The following SGCZ variants were observed in gnomAD, a reference collection of about 807,000 sequenced individuals.
The protein encoded by SGCZ is sarcoglycan zeta.
SGCZ carries 40 observed loss-of-function variants against 41.3 expected under a neutral mutation model. The observed-to-expected ratio is 0.97, with a 90% CI of 0.75 to 1.26. The LOEUF is 1.26. Among genes scored for constraint, SGCZ ranks in the 50% most tolerant of loss-of-function variants. The probability of loss-of-function intolerance (pLI) is 0.00; values close to 1 mark genes in which losing one functional copy is unlikely to be tolerated. For synonymous variants in SGCZ, 206 were observed against 137.5 expected (o/e 1.50, Z -3.49); for missense variants, 552 against 369.8 (o/e 1.49, Z -4.04).
intron 1 of SGCZ, among the ~76,000 whole-genome samples, chr8:15,186,924 G>A (rs949903074): frequency 6.6e-6 from 1 of 152,010 alleles, no homozygotes; most frequent in Admixed American, 6.6e-5. Flanking sequence ...CTCTGAATGC[G>A]TTTTTATATG....
intron 5 of SGCZ, among the ~76,000 whole-genome samples, chr8:14,138,740 T>C (rs1803277894): frequency 6.6e-6 from 1 of 152,290 alleles, no homozygotes; most frequent in East Asian, 1.9e-4. Flanking sequence ...ACGATAATAA[T>C]GGGAGATTTT....
chr8:14,786,071 CAAGT>C (rs1448762046), intron 1 of SGCZ, among the ~76,000 whole-genome samples: 1 of 134,354 alleles, frequency 7.4e-6, no homozygotes, highest in African/African-American at 3.5e-5. Flanking sequence ...CTGAAATTAT[CAAGT>C]AAGTGGTATA....
chr8:14,268,359 A>ATG (rs780484212), intron 3 of SGCZ, among the ~76,000 whole-genome samples: 50 of 150,122 alleles, frequency 3.3e-4, no homozygotes, highest in African/African-American at 9.7e-4. Context: ...ATATATGTGT[A>ATG]TATATATATA....
chr8:15,046,688 T>C (rs560721247), intron 1 of SGCZ, among the ~76,000 whole-genome samples: 3 of 152,134 alleles, frequency 2.0e-5, no homozygotes, highest in African/African-American at 7.2e-5. Context: ...TCATTGTTAC[T>C]GATGTGGCAT....
intron 1 of SGCZ, among the ~76,000 whole-genome samples, chr8:15,210,159 G>T: frequency 6.6e-6 from 1 of 152,138 alleles, no homozygotes; most frequent in East Asian, 1.9e-4. Flanking sequence ...TTTCAGAAAG[G>T]TAGAAAGAAT....
At chr8:15,129,921 C>T (rs534544335) in intron 1 of SGCZ, among the ~76,000 whole-genome samples, 1 of 151,886 alleles carries the variant, frequency 6.6e-6, no homozygotes, top group African/African-American at 2.4e-5. Context: ...TAAATATACT[C>T]CCACATATGC....
chr8:14,650,333 A>C (rs1807356590), intron 1 of SGCZ, among the ~76,000 whole-genome samples: 2 of 152,026 alleles, frequency 1.3e-5, no homozygotes. Flanking sequence ...GTTTAGCTTT[A>C]AAGTGGATGA....
intron 2 of SGCZ, among the ~76,000 whole-genome samples, chr8:14,383,187 T>G (rs1222317352): frequency 6.6e-6 from 1 of 152,236 alleles, no homozygotes; most frequent in Non-Finnish European, 1.5e-5. Flanking sequence ...TCCTGTTCTA[T>G]ATGAACCATT....
chr8:14,697,771 C>A (rs1213419769), intron 1 of SGCZ, among the ~76,000 whole-genome samples: 1 of 151,928 alleles, frequency 6.6e-6, no homozygotes, highest in Non-Finnish European at 1.5e-5. Flanking sequence ...TATCCTCAAA[C>A]CCTCAATTCC....
At chr8:14,153,627 C>A (rs1382605746) in intron 5 of SGCZ, among the ~76,000 whole-genome samples, 1 of 152,118 alleles carries the variant, frequency 6.6e-6, no homozygotes, top group South Asian at 2.1e-4. Context: ...GTACTACAGT[C>A]TTCCATTGTT....
At chr8:14,781,542 G>T (rs941119865) in intron 1 of SGCZ, among the ~76,000 whole-genome samples, 1 of 151,882 alleles carries the variant, frequency 6.6e-6, no homozygotes, top group African/African-American at 2.4e-5. Flanking sequence ...AAATATGTTT[G>T]ATTTTCATCC....
intron 1 of SGCZ, among the ~76,000 whole-genome samples, chr8:15,164,937 G>T (rs747326355): frequency 2.6e-5 from 4 of 152,026 alleles, no homozygotes; most frequent in Non-Finnish European, 5.9e-5. Context: ...CTCTTAAAGG[G>T]CCCCACCCAG....
At chr8:14,840,384 T>G (rs779844342) in intron 1 of SGCZ, among the ~76,000 whole-genome samples, 2 of 152,146 alleles carry the variant, frequency 1.3e-5, no homozygotes, top group Non-Finnish European at 2.9e-5. Flanking sequence ...GAATTCACAT[T>G]GATTTATTTG....
chr8:14,677,172 A>G (rs568238091), intron 1 of SGCZ, among the ~76,000 whole-genome samples: 38 of 152,220 alleles, frequency 2.5e-4, no homozygotes, highest in African/African-American at 9.1e-4. Context: ...CAGCAATGAG[A>G]AAGTGGGAAC....
intron 1 of SGCZ, among the ~76,000 whole-genome samples, chr8:14,692,217 A>C (rs1213985669): frequency 1.3e-5 from 2 of 152,186 alleles, no homozygotes; most frequent in East Asian, 3.9e-4. Context: ...AGAATTTCAA[A>C]CACTTAAATC....
In SGCZ at chr8:14,225,969, C is replaced by T. The variant is rs1806358962; in HGVS notation, c.424+11623G>A. Among the ~76,000 whole-genome samples, 3 of 151,952 alleles carry T rather than the reference C, an allele frequency of 2.0e-5. No homozygotes were observed. The South Asian group carries it at 6.2e-4, about 31-fold the overall frequency. ...TCATAGACCTTATCAAAAGTTTCCA[C>T]AATTTATTTGACAAAATCCATGAAA... On this transcript the variant is annotated intron_variant, in intron 4 of 7. Coordinates refer to ENST00000382080, the MANE Select transcript of SGCZ (RefSeq NM_139167.4).
chr8:14,892,794 G>C lies in SGCZ; in HGVS notation c.40-337868C>G, dbSNP rs186072654. Among the ~76,000 whole-genome samples the C allele has an allele frequency of 5.5e-4, 84 of 152,172 alleles. 1 individual carries two copies. The Middle Eastern group carries it at 0.034, about 62-fold the overall frequency. On this transcript the variant is annotated intron_variant, in intron 1 of 7. Coordinates refer to ENST00000382080, the MANE Select transcript of SGCZ (RefSeq NM_139167.4). ...CATGTATCACTTGCTTTTGCTGGTG[G>C]ATTGTACCCATTTCACTCTTAAAAT...
chr8:14,583,061 C>G (rs1804945213), intron 1 of SGCZ, among the ~76,000 whole-genome samples: 1 of 149,916 alleles, frequency 6.7e-6, no homozygotes, highest in South Asian at 2.1e-4. Context: ...ATTTCTAGTT[C>G]TAGATCCCTG....
intron 2 of SGCZ, among the ~76,000 whole-genome samples, chr8:14,373,172 G>C (rs1286722414): frequency 6.6e-6 from 1 of 152,148 alleles, no homozygotes; most frequent in Admixed American, 6.6e-5. Context: ...TGCTGATTGA[G>C]TGCATGAGGT....
Sources: allele counts gnomAD v4.1 joint callset (sites outside exome capture counted in the v4.1 genomes callset), GRCh38; gene constraint gnomAD v4.1.1; transcripts MANE v1.5; gene names NCBI Gene and HGNC (gene_info 2026-07-23, HGNC 2026-07-21).